The following RBMS3 variants were observed in gnomAD, a reference collection of about 807,000 sequenced individuals.
The protein encoded by RBMS3 is RNA-binding motif, single-stranded-interacting protein 3.
In RBMS3, 27 loss-of-function variants were observed where a neutral mutation model predicts 66.8. That is an observed-to-expected ratio of 0.40 (90% CI 0.30 to 0.56). RBMS3 has a LOEUF of 0.56. Ranked by LOEUF, RBMS3 falls within the 20% of genes least tolerant of loss-of-function variation. The pLI is 0.40. For missense variants in RBMS3, 513 were observed against 549.5 expected, an observed-to-expected ratio of 0.93 and a Z score of 0.66; for synonymous variants, 188 against 183.0, an observed-to-expected ratio of 1.03 and a Z score of -0.22.
chr3:30,001,733 T>C (rs1295440920), intron 14 of RBMS3, among the ~76,000 whole-genome samples: 1 of 151,876 alleles, frequency 6.6e-6, no homozygotes, highest in Non-Finnish European at 1.5e-5. Context: ...TCCATACTCA[T>C]TATTTCTTCA....
At chr3:29,374,223 A>G (rs2038350556) in intron 1 of RBMS3, among the ~76,000 whole-genome samples, 1 of 152,234 alleles carries the variant, frequency 6.6e-6, no homozygotes, top group African/African-American at 2.4e-5. Context: ...ACCTAGATAA[A>G]TAGCCTTTTA....
chr3:29,874,009 C>T (rs1313152609), intron 7 of RBMS3, among the ~76,000 whole-genome samples: 1 of 152,036 alleles, frequency 6.6e-6, no homozygotes, highest in Non-Finnish European at 1.5e-5. Context: ...AAAGTATGTG[C>T]TTTTGGGCAT....
intron 3 of RBMS3, among the ~76,000 whole-genome samples, chr3:29,491,593 G>A (rs1043249654): frequency 6.6e-6 from 1 of 152,280 alleles, no homozygotes; most frequent in Admixed American, 6.5e-5. Context: ...AAGAAGAAAA[G>A]GAGTAAGAGA....
chr3:29,528,108 ATTTTTTTTTT>A (rs66534941), intron 3 of RBMS3, among the ~76,000 whole-genome samples: 21 of 108,156 alleles, frequency 1.9e-4, no homozygotes, highest in South Asian at 3.1e-4. Context: ...TGCAAGCAAG[ATTTTTTTTTT>A]TTTTTTTTTT....
intron 4 of RBMS3, among the ~76,000 whole-genome samples, chr3:29,672,650 A>G (rs562459405): frequency 3.9e-5 from 6 of 152,338 alleles, no homozygotes; most frequent in South Asian, 2.1e-4. Flanking sequence ...GCCTCTGATA[A>G]AACAGATTTT....
chr3:29,629,644 A>AT (rs2049210165), intron 4 of RBMS3, among the ~76,000 whole-genome samples: 1 of 152,000 alleles, frequency 6.6e-6, no homozygotes, highest in South Asian at 2.1e-4. Context: ...CTTGTGAACT[A>AT]TTTTTTCTTT....
At chr3:29,771,360 A>G (rs7633676) in intron 6 of RBMS3, among the ~76,000 whole-genome samples, 17,938 of 151,990 alleles carry the variant, frequency 0.12, 1,758 homozygotes, top group African/African-American at 0.26. Context: ...GAAAACAAGG[A>G]CTGCACCTTA....
intron 12 of RBMS3, among the ~76,000 whole-genome samples, chr3:29,962,293 T>A (rs1696519252): frequency 6.6e-6 from 1 of 151,286 alleles, no homozygotes; most frequent in Non-Finnish European, 1.5e-5. Flanking sequence ...AAAAATGAAA[T>A]CCAATGATCA....
chr3:29,682,009 C>T (rs767921878), intron 4 of RBMS3, among the ~76,000 whole-genome samples: 1 of 152,172 alleles, frequency 6.6e-6, no homozygotes, highest in Non-Finnish European at 1.5e-5. Context: ...ACAACCTCAC[C>T]AGCATCTGTC....
At chr3:29,532,660 T>A (rs540956910) in intron 3 of RBMS3, among the ~76,000 whole-genome samples, 1 of 152,032 alleles carries the variant, frequency 6.6e-6, no homozygotes, top group Admixed American at 6.6e-5. Flanking sequence ...GCTTAGGAGT[T>A]CCAGGTTACA....
chr3:29,392,423 A>G (rs1322640897), intron 1 of RBMS3, among the ~76,000 whole-genome samples: 2 of 152,260 alleles, frequency 1.3e-5, no homozygotes, highest in South Asian at 2.1e-4. Flanking sequence ...ATGAGAGTAG[A>G]CTTTCTTTTT....
chr3:29,832,036 T>G (rs970920913), intron 6 of RBMS3, among the ~76,000 whole-genome samples: 3 of 152,180 alleles, frequency 2.0e-5, no homozygotes, highest in African/African-American at 7.2e-5. Flanking sequence ...CTCTCTACAC[T>G]ATTCCTTTGT....
intron 12 of RBMS3, among the ~76,000 whole-genome samples, chr3:29,959,295 G>A (rs1490996875): frequency 6.6e-6 from 1 of 152,074 alleles, no homozygotes; most frequent in Non-Finnish European, 1.5e-5. Flanking sequence ...TTTTGACTTA[G>A]CATGTTCAAT....
intron 5 of RBMS3, among the ~76,000 whole-genome samples, chr3:29,749,385 A>G (rs762255357): frequency 6.6e-5 from 10 of 152,202 alleles, no homozygotes. Context: ...TGATCAATTT[A>G]TTTGCAAAAT....
At chr3:29,769,839 A>AT (rs1438583502) in intron 6 of RBMS3, among the ~76,000 whole-genome samples, 3 of 151,942 alleles carry the variant, frequency 2.0e-5, no homozygotes, top group Non-Finnish European at 2.9e-5. Context: ...CATGCAACCA[A>AT]TTTGGGGGAA....
At chr3:29,391,714 T>G (rs1360958633) in intron 1 of RBMS3, among the ~76,000 whole-genome samples, 1 of 152,152 alleles carries the variant, frequency 6.6e-6, no homozygotes, top group Non-Finnish European at 1.5e-5. Flanking sequence ...GGAAAAGATG[T>G]TCATATCAAC....
chr3:29,687,789 AC>A (rs1349631996), intron 4 of RBMS3, among the ~76,000 whole-genome samples: 1 of 152,176 alleles, frequency 6.6e-6, no homozygotes, highest in Admixed American at 6.5e-5. Flanking sequence ...CACAATTGTG[AC>A]TTGCTAGACA....
chr3:29,281,372 A>C lies in RBMS3; in HGVS notation c.-310A>C, dbSNP rs1455280284. 1 of 436,700 alleles carries C rather than the reference A, an allele frequency of 2.3e-6. No homozygotes were observed. Among genetic ancestry groups the C allele is most frequent in the African/African-American group, 2.1e-5 (1 of 48,150 alleles). The allele number at this position is 436,700 out of a possible 1,614,324, so 27.1% of individuals were successfully genotyped here. On this transcript the variant is annotated 5_prime_UTR_variant, in exon 1 of 15. Transcript: ENST00000383767. ...TCACTACAGACAGCCTGGTTAGAGA[A>C]CAAACTGCCTCATCCCAAGTGGACC...
chr3:29,816,418 T>C (rs1355463397), intron 6 of RBMS3, among the ~76,000 whole-genome samples: 1 of 152,100 alleles, frequency 6.6e-6, no homozygotes, highest in Non-Finnish European at 1.5e-5. Context: ...AAATGTAATC[T>C]GGTTGTATGC....
Sources: allele counts gnomAD v4.1 joint callset (sites outside exome capture counted in the v4.1 genomes callset), GRCh38; gene constraint gnomAD v4.1.1; transcripts MANE v1.5; gene names NCBI Gene and HGNC (gene_info 2026-07-23, HGNC 2026-07-21).